The following CDC23 variants were observed in gnomAD, a reference collection of about 807,000 sequenced individuals.
CDC23 encodes the protein cell division cycle protein 23 homolog.
In CDC23, 26 loss-of-function variants were observed where a neutral mutation model predicts 81.7. That is an observed-to-expected ratio of 0.32 (90% CI 0.23 to 0.44). The LOEUF is 0.44. Among genes scored for constraint, CDC23 ranks in the 20% least tolerant of loss-of-function variants. The pLI, the probability that CDC23 is intolerant of heterozygous loss-of-function variation, is 1.00. For synonymous variants in CDC23, 267 were observed against 270.8 expected (o/e 0.99, Z 0.14); for missense variants, 519 against 728.0 (o/e 0.71, Z 3.30).
intron 9 of CDC23, among the ~76,000 whole-genome samples, chr5:138,195,751 ATATATACATATATTATATATGTG>A (rs1244922693): frequency 8.3e-6 from 1 of 119,802 alleles, no homozygotes; most frequent in Non-Finnish European, 1.7e-5. Context: ...ATATATGTAT[ATATATACATATATTATATATGTG>A]TATATATACA....
At position 138,188,743 on chromosome 5, in the gene CDC23, A is replaced by C; in HGVS notation, c.*235T>G. On this transcript the variant is annotated 3_prime_UTR_variant, in exon 16 of 16. Transcript: ENST00000394886. ...GGGAAGAAGGCCAAGATCTATAGCC[A>C]CTCTTTGGACATAAGTGAGACAGAA... The C allele has an allele frequency of 2.8e-6, 1 of 357,770 alleles. No homozygotes were observed. The allele number at this position is 357,770 out of a possible 1,614,324, so 22.2% of individuals were successfully genotyped here. A position where few individuals can be genotyped will look rare whatever the true frequency, so the allele number is the denominator to read the frequency against.
chr5:138,201,519 T>C, intron 4 of CDC23, 71 bp from the exon 5 acceptor site: 1 of 1,092,728 alleles, frequency 9.2e-7, no homozygotes, highest in Non-Finnish European at 1.3e-6. Flanking sequence ...TATTTATTTA[T>C]TTATTTTTCT....
chr5:138,195,687 TATAATATATATGCATATATAC>T (rs1294274818), intron 9 of CDC23, among the ~76,000 whole-genome samples: 10 of 112,788 alleles, frequency 8.9e-5, no homozygotes, highest in African/African-American at 2.5e-4. Context: ...CATATATACA[TATAATATATATGCATATATAC>T]ATATAATATA....
At chr5:138,194,894 A>G (rs1238746083) in intron 9 of CDC23, among the ~76,000 whole-genome samples, 2 of 151,000 alleles carry the variant, frequency 1.3e-5, no homozygotes, top group East Asian at 2.0e-4. Flanking sequence ...GCTAATTTTC[A>G]TATTTTTAGT....
intron 9 of CDC23, among the ~76,000 whole-genome samples, 172 bp from the exon 10 acceptor site, chr5:138,192,829 C>T (rs558956102): frequency 3.9e-5 from 6 of 152,260 alleles, no homozygotes; most frequent in Non-Finnish European, 8.8e-5. Context: ...AAATATATTT[C>T]ATCTGTCACA....
At chr5:138,212,615 C>G (rs1755126271) in intron 2 of CDC23, among the ~76,000 whole-genome samples, 1 of 152,108 alleles carries the variant, frequency 6.6e-6, no homozygotes, top group African/African-American at 2.4e-5. Context: ...CGCGCCAGAC[C>G]AAAACTTTTG....
At chr5:138,213,120 A>G (rs2231472) in intron 1 of CDC23, 32 bp downstream of exon 1, 188,508 of 1,614,014 alleles carry the variant, frequency 0.12, 12,169 homozygotes, top group Non-Finnish European at 0.13. Context: ...CCAAGGATCC[A>G]AGCCCCGTCC....
rs770345330 is a variant in CDC23, at chr5:138,198,717, C to T, written c.720G>A (p.Glu240=). 3.1e-6 allele frequency: 5 copies of T among 1,614,162 alleles called. No homozygotes were observed. In the South Asian group the frequency reaches 5.5e-5, roughly 18 times the overall value. Residue 240 remains glutamate (E), a synonymous_variant, in exon 7 of 16, where the codon GAG becomes GAA. Coordinates refer to ENST00000394886, the MANE Select transcript of CDC23 (RefSeq NM_004661.4). The part of the protein sequence containing the change: ...KEFFLAHIYT[E]LQLIEEALQK... Reference sequence around the variant, plus strand: ...GCAGGGCCTCCTCTATCAACTGCAACTCTGTGTATATATGAGCCAGAAAAA... The same window carrying T: ...GCAGGGCCTCCTCTATCAACTGCAATTCTGTGTATATATGAGCCAGAAAAA...
chr5:138,210,337 C>A (rs924154231), intron 2 of CDC23, among the ~76,000 whole-genome samples: 5 of 151,690 alleles, frequency 3.3e-5, no homozygotes, highest in African/African-American at 1.2e-4. Context: ...CCAGCCTGGC[C>A]AACACGGTGA....
Position 138,192,253 on chromosome 5 carries a change from A to G in CDC23, c.1286+16T>C. 1.9e-6 allele frequency: 3 copies of G among 1,614,016 alleles called. No homozygotes were observed. The highest frequency in any genetic ancestry group is 2.5e-6 in the Non-Finnish European group (3 of 1,179,972). ...CCCTTCCCATATCAGACGCATTGTC[A>G]AGTGACCAGGCTTACCGAAGCTGGT... is the stretch of plus-strand genomic sequence containing the variant. On this transcript the variant is annotated intron_variant, in intron 11 of 15. Transcript: ENST00000394886.
At position 138,213,254 on chromosome 5, in the gene CDC23, A is replaced by C. The variant is rs775864862; in HGVS notation, c.59T>G (p.Leu20Arg). The change falls in exon 1 of 16, where the codon CTG (leucine) becomes CGG (arginine). Residue 20 changes from leucine to arginine, a missense_variant. Around this residue, in one of 4 missense-constraint regions of CDC23, gnomAD observed 126 missense variants for 116.2 expected, o/e 1.08. Transcript: ENST00000394886. Reference protein sequence around the residue: ...VAVTAAVAPVLSINSDFSDLR... With the variant: ...VAVTAAVAPVRSINSDFSDLR... Reference sequence around the variant, plus strand: ...ATCTGAGAAATCGCTGTTTATGGACAGGACAGGCGCCACTGCCGCCGTCAC... The same window carrying C: ...ATCTGAGAAATCGCTGTTTATGGACCGGACAGGCGCCACTGCCGCCGTCAC... The C allele has an allele frequency of 8.7e-6, 14 of 1,614,018 alleles. No homozygotes were observed. Among genetic ancestry groups the C allele is most frequent in the African/African-American group, 1.3e-5 (1 of 74,918 alleles).
chr5:138,192,179 C>A lies in CDC23; in HGVS notation c.1286+90G>T, dbSNP rs1294308889. On this transcript the variant is annotated intron_variant, in intron 11 of 15. Transcript: ENST00000394886. ...TCAGATCCCCAAGAGCCAAAACCATCCACTGTGATTTGTCAATAGCTATCA... is the reference window on the plus strand; with the variant it reads ...TCAGATCCCCAAGAGCCAAAACCATACACTGTGATTTGTCAATAGCTATCA... 2.6e-6 allele frequency: 4 copies of A among 1,512,054 alleles called. No homozygotes were observed. The East Asian group carries it at 6.8e-5, about 26-fold the overall frequency. 93.7% of individuals were successfully genotyped at this position (1,512,054 alleles called of 1,614,324 possible).
intron 3 of CDC23, among the ~76,000 whole-genome samples, chr5:138,203,181 A>G (rs17234800): frequency 2.0e-5 from 3 of 152,174 alleles, no homozygotes; most frequent in African/African-American, 7.2e-5. Flanking sequence ...AAGGAAAGGA[A>G]GGGGAAATGG....
chr5:138,212,127 C>G (rs1212759413), intron 2 of CDC23, among the ~76,000 whole-genome samples: 1 of 152,138 alleles, frequency 6.6e-6, no homozygotes, highest in East Asian at 1.9e-4. Flanking sequence ...ATATTATTAT[C>G]TCATTGACTT....
intron 9 of CDC23, among the ~76,000 whole-genome samples, chr5:138,195,613 TTATA>T (rs1215539293): frequency 8.8e-6 from 1 of 113,654 alleles, no homozygotes; most frequent in Admixed American, 1.3e-4. Flanking sequence ...TATGATATAT[TTATA>T]TATAAATATA....
At chr5:138,212,119 A>G (rs893628578) in intron 2 of CDC23, among the ~76,000 whole-genome samples, 2 of 152,150 alleles carry the variant, frequency 1.3e-5, no homozygotes, top group African/African-American at 4.8e-5. Context: ...AGCGGTCTAT[A>G]TTATTATCTC....
intron 9 of CDC23, among the ~76,000 whole-genome samples, chr5:138,195,522 T>TC (rs958151551): frequency 3.3e-5 from 4 of 122,404 alleles, no homozygotes; most frequent in African/African-American, 1.2e-4. Flanking sequence ...TATAAATATA[T>TC]ATAAATTATA....
chr5:138,204,005 A>C (rs1755019809), intron 3 of CDC23, among the ~76,000 whole-genome samples: 1 of 152,210 alleles, frequency 6.6e-6, no homozygotes, highest in Admixed American at 6.6e-5. Flanking sequence ...AAAGTTGATA[A>C]CTATGTTGTG....
At chr5:138,195,745 A>ATG (rs1461298520) in intron 9 of CDC23, among the ~76,000 whole-genome samples, 3 of 118,960 alleles carry the variant, frequency 2.5e-5, no homozygotes, top group Non-Finnish European at 3.3e-5. Context: ...TATAATATAT[A>ATG]TGTATATATA....
Sources: allele counts gnomAD v4.1 joint callset (sites outside exome capture counted in the v4.1 genomes callset), GRCh38; gene constraint gnomAD v4.1.1; regional missense constraint gnomAD v4.1.1; transcripts MANE v1.5; gene names NCBI Gene and HGNC (gene_info 2026-07-23, HGNC 2026-07-21).